The following LAMTOR1 variants were observed in gnomAD, a reference collection of about 807,000 sequenced individuals.
LAMTOR1 encodes the protein ragulator complex protein LAMTOR1.
A neutral mutation model predicts 20.5 loss-of-function variants in LAMTOR1; 8 were observed. The ratio of observed to expected loss-of-function variants is 0.39; its 90% CI spans 0.23 to 0.70. The LOEUF is 0.70. Ranked by LOEUF, LAMTOR1 falls within the 30% of genes least tolerant of loss-of-function variation. The pLI, the probability that LAMTOR1 is intolerant of heterozygous loss-of-function variation, is 0.43. For synonymous variants in LAMTOR1, 77 were observed against 80.9 expected, an observed-to-expected ratio of 0.95 and a Z score of 0.26; for missense variants, 135 against 206.2, an observed-to-expected ratio of 0.65 and a Z score of 2.11.
In LAMTOR1 at chr11:72,097,769, TG is replaced by T; in HGVS notation, c.*52del. The T allele has an allele frequency of 1.9e-6, 3 of 1,612,924 alleles. No individual in the cohort carries two copies. Among genetic ancestry groups the T allele is most frequent in the Non-Finnish European group, 2.5e-6 (3 of 1,179,708 alleles). On this transcript the variant is annotated 3_prime_UTR_variant, in exon 5 of 5. Transcript: ENST00000278671. ...GCAGTGAGGCTGGGGGCCAAGGGGG[TG>T]GGGTAGAGATGGGATGAAGAGAGGA... is the stretch of plus-strand genomic sequence containing the variant.
In LAMTOR1 at chr11:72,097,707, T is replaced by G. The variant is rs115851271; in HGVS notation, c.*115A>C. On this transcript the variant is annotated 3_prime_UTR_variant, in exon 5 of 5. Transcript: ENST00000278671. ...CTTCTCCTCCTTCTTCACATTTTTCTCTGTGATTAGTAGCAGGTTAGGGTA... is the reference window on the plus strand; with the variant it reads ...CTTCTCCTCCTTCTTCACATTTTTCGCTGTGATTAGTAGCAGGTTAGGGTA... 1.0e-4 allele frequency: 157 copies of G among 1,567,836 alleles called. No homozygotes were observed. In the African/African-American group the frequency reaches 1.9e-3, roughly 19 times the overall value.
At chr11:72,101,317 G>T (rs949521144) in intron 1 of LAMTOR1, among the ~76,000 whole-genome samples, 1 of 152,214 alleles carries the variant, frequency 6.6e-6, no homozygotes, top group Non-Finnish European at 1.5e-5. Context: ...TGTAACCCAA[G>T]AGGCAGGGTT....
intron 1 of LAMTOR1, among the ~76,000 whole-genome samples, chr11:72,101,742 T>A (rs1363551978): frequency 1.3e-5 from 2 of 152,146 alleles, no homozygotes; most frequent in Admixed American, 1.3e-4. Flanking sequence ...ATTAAGCACC[T>A]TCTCTGGGTG....
chr11:72,102,633 A>C (rs1945486161), intron 1 of LAMTOR1, among the ~76,000 whole-genome samples: 1 of 152,186 alleles, frequency 6.6e-6, no homozygotes, highest in South Asian at 2.1e-4. Flanking sequence ...ACATGTCCCG[A>C]TGTCCTCACT....
intron 1 of LAMTOR1, among the ~76,000 whole-genome samples, chr11:72,101,574 G>A (rs1490715037): frequency 1.3e-5 from 2 of 152,204 alleles, no homozygotes; most frequent in African/African-American, 4.8e-5. Flanking sequence ...TAACTGTGAA[G>A]GCCCTTTGTA....
chr11:72,098,245 G>C (rs768602700), intron 4 of LAMTOR1, 44 bp downstream of exon 4: 2 of 1,608,860 alleles, frequency 1.2e-6, no homozygotes, highest in Non-Finnish European at 1.7e-6. Context: ...CATACCCTGG[G>C]CAGTGTGAGA....
rs146341570 is a variant in LAMTOR1, at chr11:72,098,308, G to A, written c.374C>T (p.Pro125Leu). ...PHQVLASEPIPFSDLQQVSRI... is the reference protein window; with the variant it reads ...PHQVLASEPILFSDLQQVSRI... ...TCTCACCTGCTGCAAATCAGAGAAC[G>A]GGATGGGCTCACTGGCCAGCACTTG... The change falls in exon 4 of 5, where the codon CCG becomes CTG. Residue 125 changes from proline (P) to leucine (L), a missense_variant. Transcript: ENST00000278671. 2.5e-4 allele frequency: 402 copies of A among 1,613,812 alleles called. 6 individuals carry two copies. The East Asian group carries it at 7.2e-3, about 29-fold the overall frequency.
chr11:72,101,260 T>C (rs1945426660), intron 1 of LAMTOR1, among the ~76,000 whole-genome samples: 2 of 149,102 alleles, frequency 1.3e-5, no homozygotes, highest in South Asian at 4.3e-4. Context: ...AAAGTGCGAG[T>C]GGAGCATGGG....
rs962424719 is a variant in LAMTOR1 at position 72,097,315 on chromosome 11, G to A, written c.*507C>T. On this transcript the variant is annotated 3_prime_UTR_variant, in exon 5 of 5. Coordinates refer to ENST00000278671, the MANE Select transcript of LAMTOR1 (RefSeq NM_017907.3). ...CATGGATGAATATACTTCCTTTATC[G>A]AGGGTGACAAACCAAAACAAAAAAA... 13 of 994,502 alleles carry A rather than the reference G, an allele frequency of 1.3e-5. No individual in the cohort carries two copies. In the Admixed American group the frequency reaches 2.7e-4, roughly 21 times the overall value. The allele number at this position is 994,502 out of a possible 1,614,324, so 61.6% of individuals were successfully genotyped here. A position where few individuals can be genotyped will look rare whatever the true frequency, so the allele number is the denominator to read the frequency against.
At chr11:72,102,047 G>A (rs1432488208) in intron 1 of LAMTOR1, among the ~76,000 whole-genome samples, 1 of 152,174 alleles carries the variant, frequency 6.6e-6, no homozygotes, top group Non-Finnish European at 1.5e-5. Flanking sequence ...TGTTCATTGG[G>A]TGTATGGAGA....
chr11:72,103,230 G>T lies in LAMTOR1; in HGVS notation c.-6C>A. 6.4e-7 allele frequency: 1 copy of T among 1,558,274 alleles called. No homozygotes were observed. Among genetic ancestry groups the T allele is most frequent in the Admixed American group, 1.9e-5 (1 of 52,130 alleles). ...CTGCTGTAGCAGCACCCCATGGCCG[G>T]GGTCGGGCCGGGCGCTCAGGCCGCG... On this transcript the variant is annotated 5_prime_UTR_variant, in exon 1 of 5. Transcript: ENST00000278671.
In LAMTOR1 at chr11:72,098,241, C is replaced by T. The variant is rs779968204; in HGVS notation, c.393+48G>A. 3.1e-6 allele frequency: 5 copies of T among 1,608,784 alleles called. No homozygotes were observed. In the African/African-American group the frequency reaches 6.7e-5, roughly 21 times the overall value. The stretch of plus-strand genomic sequence containing the variant: ...GAGTGGGTGAACCCTCTGCCATACC[C>T]TGGGCAGTGTGAGAAGGGTGGGCAG... On this transcript the variant is annotated intron_variant, in intron 4 of 4. Coordinates refer to ENST00000278671, the MANE Select transcript of LAMTOR1 (RefSeq NM_017907.3).
intron 1 of LAMTOR1, among the ~76,000 whole-genome samples, chr11:72,102,793 A>G (rs954380166): frequency 3.3e-5 from 5 of 152,208 alleles, no homozygotes; most frequent in African/African-American, 4.8e-5. Flanking sequence ...AGACTAACTC[A>G]GGGCCTCAGC....
At chr11:72,099,722 T>C (rs949855725) in intron 1 of LAMTOR1, among the ~76,000 whole-genome samples, 6 of 152,170 alleles carry the variant, frequency 3.9e-5, no homozygotes, top group Non-Finnish European at 7.4e-5. Context: ...GCTTCCAAGA[T>C]GGAAGCCCTG....
At chr11:72,103,066 G>A in intron 1 of LAMTOR1, 117 bp downstream of exon 1, 2 of 1,323,838 alleles carry the variant, frequency 1.5e-6, no homozygotes, top group Non-Finnish European at 2.1e-6. Context: ...TCCCCTCCAG[G>A]CCTCCGTATT....
At chr11:72,098,986 G>GACATGGAGGGTC (rs1158762434) in intron 2 of LAMTOR1, 125 bp downstream of exon 2, 2 of 1,417,706 alleles carry the variant, frequency 1.4e-6, no homozygotes, top group Admixed American at 3.8e-5. Flanking sequence ...AGCAGGGCTG[G>GACATGGAGGGTC]ACATGGAGGC....
rs113372880 is a variant in LAMTOR1, at chr11:72,097,563, A to T, written c.*259T>A. The T allele has an allele frequency of 4.9e-3, 6,189 of 1,269,618 alleles. 249 individuals are homozygous for T. In the African/African-American group the frequency reaches 0.084, roughly 17 times the overall value. The allele number at this position is 1,269,618 out of a possible 1,614,324, so 78.6% of individuals were successfully genotyped here. On this transcript the variant is annotated 3_prime_UTR_variant, in exon 5 of 5. Coordinates refer to ENST00000278671, the MANE Select transcript of LAMTOR1 (RefSeq NM_017907.3). ...CCCAAACTGGTATCTCCACATTCTC[A>T]ATGACTATGAAGACATACCAGGCTC...
At chr11:72,097,979 T>C in intron 4 of LAMTOR1, 65 bp from the exon 5 acceptor site, 1 of 1,499,600 alleles carries the variant, frequency 6.7e-7, no homozygotes, top group Non-Finnish European at 8.9e-7. Flanking sequence ...TCAGGAAAAA[T>C]GGGGAGGGGA....
At chr11:72,098,902 G>A in intron 2 of LAMTOR1, 44 bp from the exon 3 acceptor site, 1 of 1,491,832 alleles carries the variant, frequency 6.7e-7, no homozygotes, top group South Asian at 1.3e-5. Context: ...GTGCTTCCGA[G>A]AAGGACAAAC....
Sources: gnomAD v4.1 joint callset for allele counts (sites outside exome capture counted in the v4.1 genomes callset) on GRCh38, gnomAD v4.1.1 for gene constraint, MANE v1.5 for transcripts, NCBI Gene and HGNC (gene_info 2026-07-23, HGNC 2026-07-21) for gene names.